The following XPO7 variants were observed in gnomAD, a reference collection of about 807,000 sequenced individuals.
The protein encoded by XPO7 is exportin 7.
Under a neutral mutation model 144.3 loss-of-function variants are expected in XPO7, and 21 were observed. The observed-to-expected ratio is 0.15, with a 90% CI of 0.10 to 0.21. The LOEUF (loss-of-function observed/expected upper bound fraction) is 0.21. Among genes scored for constraint, XPO7 ranks in the 10% least tolerant of loss-of-function variants. The pLI is 1.00. For missense variants in XPO7, 808 were observed against 1,325.8 expected, an observed-to-expected ratio of 0.61 and a Z score of 6.06; for synonymous variants, 580 against 499.6, an observed-to-expected ratio of 1.16 and a Z score of -2.15.
chr8:21,925,703 A>G (rs1810437102), intron 1 of XPO7, among the ~76,000 whole-genome samples: 1 of 152,218 alleles, frequency 6.6e-6, no homozygotes, highest in Non-Finnish European at 1.5e-5. Context: ...AGCCTGGATT[A>G]AGTGATCTGT....
chr8:21,982,937 GTTC>G (rs1195828111), intron 11 of XPO7, 125 bp downstream of exon 11: 9 of 1,213,226 alleles, frequency 7.4e-6, no homozygotes, highest in Non-Finnish European at 6.8e-6. Flanking sequence ...ACTGTTCATG[GTTC>G]TTCTTCCTTG....
chr8:21,922,406 G>C (rs1810318073), intron 1 of XPO7, among the ~76,000 whole-genome samples: 1 of 152,134 alleles, frequency 6.6e-6, no homozygotes, highest in African/African-American at 2.4e-5. Context: ...GCAGCTCCTC[G>C]ATGTGATGGG....
chr8:21,997,514 G>A (rs139235766), intron 21 of XPO7, among the ~76,000 whole-genome samples: 4,088 of 152,238 alleles, frequency 0.027, 109 homozygotes, highest in Non-Finnish European at 0.04. Flanking sequence ...ACATCTGCAC[G>A]AGTCCTGAGA....
At chr8:21,983,463 T>C (rs1174059619) in intron 11 of XPO7, among the ~76,000 whole-genome samples, 3 of 152,220 alleles carry the variant, frequency 2.0e-5, no homozygotes, top group South Asian at 2.1e-4. Context: ...CTGGGGCCTT[T>C]TTAAGTTGGA....
intron 1 of XPO7, among the ~76,000 whole-genome samples, chr8:21,942,890 T>G (rs1811039741): frequency 6.6e-6 from 1 of 152,142 alleles, no homozygotes; most frequent in Admixed American, 6.5e-5. Context: ...ACTAGCTGGG[T>G]TTTTGTTTTG....
At chr8:21,927,796 C>T (rs760045913) in intron 1 of XPO7, among the ~76,000 whole-genome samples, 3 of 152,118 alleles carry the variant, frequency 2.0e-5, no homozygotes, top group South Asian at 2.1e-4. Context: ...CCTCCTGTCT[C>T]GGCCTCCCAA....
At chr8:21,998,701 C>A in intron 21 of XPO7, 54 bp from the exon 22 acceptor site, 3 of 1,513,868 alleles carry the variant, frequency 2.0e-6, no homozygotes, top group Non-Finnish European at 2.7e-6. Flanking sequence ...TCAAGTACCC[C>A]AGTCTTCCAA....
chr8:21,967,352 C>T (rs1350232313), intron 2 of XPO7, among the ~76,000 whole-genome samples: 3 of 152,008 alleles, frequency 2.0e-5, no homozygotes, highest in Non-Finnish European at 4.4e-5. Context: ...ATTTTTGAGA[C>T]GGAGTTTCGC....
chr8:21,995,897 C>T (rs1400124006), intron 21 of XPO7, among the ~76,000 whole-genome samples: 1 of 152,136 alleles, frequency 6.6e-6, no homozygotes, highest in Non-Finnish European at 1.5e-5. Context: ...TCACTGCAAG[C>T]TCCATCCCCC....
chr8:21,948,204 C>T lies in XPO7; in HGVS notation c.19-18653C>T, dbSNP rs149676750. Among the ~76,000 whole-genome samples the T allele has an allele frequency of 1.6e-3, 237 of 152,280 alleles. 2 individuals are homozygous for T. The highest frequency in any genetic ancestry group is 1.5e-3 in the African/African-American group (61 of 41,548). ...ATGCACTGAATAGTGACATTTTGGT[C>T]AACGATGGATCACATTTATGACAGT... On this transcript the variant is annotated intron_variant, in intron 1 of 27. Coordinates refer to ENST00000252512, the MANE Select transcript of XPO7 (RefSeq NM_015024.5).
intron 27 of XPO7, among the ~76,000 whole-genome samples, chr8:22,004,342 C>T (rs1248447416): frequency 2.0e-5 from 3 of 152,030 alleles, no homozygotes; most frequent in African/African-American, 7.2e-5. Context: ...TCAGTTCATA[C>T]GTTTTCATCA....
intron 1 of XPO7, among the ~76,000 whole-genome samples, chr8:21,920,545 G>C (rs933957803): frequency 2.6e-5 from 4 of 152,180 alleles, no homozygotes; most frequent in Non-Finnish European, 5.9e-5. Flanking sequence ...TTGCTCGGGA[G>C]GGTCTTGATC....
intron 1 of XPO7, among the ~76,000 whole-genome samples, chr8:21,947,169 G>A (rs989574335): frequency 2.6e-5 from 4 of 152,176 alleles, no homozygotes; most frequent in African/African-American, 9.7e-5. Context: ...AATGTTTAGG[G>A]CTATGGAGAC....
intron 9 of XPO7, among the ~76,000 whole-genome samples, chr8:21,981,207 T>G (rs1351079913): frequency 6.6e-6 from 1 of 152,220 alleles, no homozygotes; most frequent in Non-Finnish European, 1.5e-5. Context: ...GCTGTAATAT[T>G]TGCTATATCA....
At chr8:21,999,487 T>C (rs1333836112) in intron 23 of XPO7, 49 bp from the exon 24 acceptor site, 2 of 1,609,208 alleles carry the variant, frequency 1.2e-6, no homozygotes, top group African/African-American at 2.7e-5. Context: ...CCCTGCATGC[T>C]GGAGTGCATA....
intron 1 of XPO7, among the ~76,000 whole-genome samples, 179 bp from the exon 2 acceptor site, chr8:21,966,678 T>C (rs1811895362): frequency 6.6e-6 from 1 of 152,214 alleles, no homozygotes; most frequent in African/African-American, 2.4e-5. Flanking sequence ...TTGTCTTCTA[T>C]AGCATCAAAT....
At chr8:21,951,302 C>T (rs554185067) in intron 1 of XPO7, among the ~76,000 whole-genome samples, 1 of 151,734 alleles carries the variant, frequency 6.6e-6, no homozygotes, top group East Asian at 1.9e-4. Flanking sequence ...ACCTTAATTA[C>T]CCTTTTGAAT....
At chr8:21,965,279 A>G (rs895883216) in intron 1 of XPO7, among the ~76,000 whole-genome samples, 1 of 152,140 alleles carries the variant, frequency 6.6e-6, no homozygotes, top group Non-Finnish European at 1.5e-5. Flanking sequence ...AATTCTCAAT[A>G]AGGTCTTGAG....
intron 1 of XPO7, among the ~76,000 whole-genome samples, chr8:21,929,888 A>G (rs1424797101): frequency 6.6e-6 from 1 of 152,204 alleles, no homozygotes; most frequent in Non-Finnish European, 1.5e-5. Flanking sequence ...CTCTTTGGCA[A>G]AAATATTATG....
Sources: allele counts gnomAD v4.1 joint callset (sites outside exome capture counted in the v4.1 genomes callset), GRCh38; gene constraint gnomAD v4.1.1; transcripts MANE v1.5; gene names NCBI Gene and HGNC (gene_info 2026-07-23, HGNC 2026-07-21).